OLFM1: variants seen among roughly 807,000 people sequenced by gnomAD.
OLFM1 encodes the protein olfactomedin 1.
Under a neutral mutation model 49.7 loss-of-function variants are expected in OLFM1, and 9 were observed. That is an observed-to-expected ratio of 0.18 (90% confidence interval 0.11 to 0.32). The LOEUF is 0.32. Ranked by LOEUF, OLFM1 falls within the 10% of genes least tolerant of loss-of-function variation. The probability of loss-of-function intolerance (pLI) is 1.00; values close to 1 mark genes in which losing one functional copy is unlikely to be tolerated. For missense variants in OLFM1, 369 were observed against 661.8 expected (o/e 0.56, Z 4.85); for synonymous variants, 240 against 271.8 (o/e 0.88, Z 1.15).
rs1008764344 is a variant in OLFM1 at position 135,088,386 on chromosome 9, C to G, written c.150+247C>G. ...GCCCCTGGGGCGGCGTTTCCTTCGT[C>G]TGGGCCCCTCGCCGCGGGGCCGGGG... On this transcript the variant is annotated intron_variant, in intron 1 of 5. Coordinates refer to ENST00000371793, the MANE Select transcript of OLFM1 (RefSeq NM_001282611.2). This position sits in a 1 kb window ranked among gnomAD's most constrained non-coding sequence, Gnocchi z 4.8. Among the ~76,000 whole-genome samples the G allele has an allele frequency of 2.6e-5, 4 of 151,926 alleles. No homozygotes were observed. The highest frequency in any genetic ancestry group is 9.6e-5 in the African/African-American group (4 of 41,498).
At chr9:135,102,584 G>A (rs988244731) in intron 4 of OLFM1, among the ~76,000 whole-genome samples, 2 of 152,282 alleles carry the variant, frequency 1.3e-5, no homozygotes, top group East Asian at 1.9e-4. Context: ...AGGGTCTGCC[G>A]TGACCCTTTC....
rs569263674 is a variant in OLFM1, at chr9:135,100,822, T to C, written c.676+2317T>C. The stretch of plus-strand genomic sequence containing the variant: ...GTCCTTCAGATCCTGAGCTCAGCAC[T>C]GTGCCCAGCAGAGGAGGTGCTGGTA... On this transcript the variant is annotated intron_variant, in intron 4 of 5. Coordinates refer to ENST00000371793, the MANE Select transcript of OLFM1 (RefSeq NM_001282611.2). Among the ~76,000 whole-genome samples the C allele has an allele frequency of 2.0e-5, 3 of 152,316 alleles. No homozygotes were observed. The South Asian group carries it at 6.2e-4, about 32-fold the overall frequency.
intron 5 of OLFM1, among the ~76,000 whole-genome samples, chr9:135,118,364 C>T (rs1440126073): frequency 6.8e-6 from 1 of 146,432 alleles, no homozygotes; most frequent in East Asian, 2.1e-4. Flanking sequence ...TTTGGAAATG[C>T]TCACTGGGTC....
chr9:135,094,529 T>C (rs918597997), intron 2 of OLFM1, among the ~76,000 whole-genome samples: 1 of 152,092 alleles, frequency 6.6e-6, no homozygotes, highest in Non-Finnish European at 1.5e-5. Flanking sequence ...GTATTAGAGG[T>C]ATGCTTCCGT....
upstream of OLFM1, among the ~76,000 whole-genome samples, chr9:135,084,170 C>A (rs1830566360): frequency 1.3e-5 from 2 of 152,220 alleles, no homozygotes; most frequent in African/African-American, 4.8e-5. This position sits in a 1 kb window ranked among gnomAD's most constrained non-coding sequence, Gnocchi z 4.6. Context: ...TGGCTTGAGG[C>A]CAGGTCCTTT....
intron 5 of OLFM1, among the ~76,000 whole-genome samples, chr9:135,114,612 T>G (rs1588222336): frequency 4.5e-5 from 5 of 112,046 alleles, no homozygotes; most frequent in African/African-American, 3.5e-5. Context: ...GGGGACGGGG[T>G]GGAGGGGCAG....
chr9:135,106,663 G>A (rs748423599), intron 4 of OLFM1, 86 bp from the exon 5 acceptor site: 38 of 966,876 alleles, frequency 3.9e-5, no homozygotes, highest in South Asian at 3.8e-4. Context: ...CACATGGCAC[G>A]TGTGCTCTGG....
At chr9:135,116,626 C>T (rs1224705685) in intron 5 of OLFM1, among the ~76,000 whole-genome samples, 1 of 152,038 alleles carries the variant, frequency 6.6e-6, no homozygotes, top group Non-Finnish European at 1.5e-5. Flanking sequence ...GGTTCCCCTC[C>T]AGGCAGGTCA....
In OLFM1 at chr9:135,113,969, A is replaced by C. The variant is rs114404053; in HGVS notation, c.784-5535A>C. On this transcript the variant is annotated intron_variant, in intron 5 of 5. Coordinates refer to ENST00000371793, the MANE Select transcript of OLFM1 (RefSeq NM_001282611.2). The surrounding 1 kb of genome is among the most constrained non-coding windows in gnomAD (Gnocchi z 4.0). Reference sequence around the variant, plus strand: ...CCCTCCTGCCTCGTCTCGTGGCTCCATGTGTTCCTGGCTGTGGCTGCATCA... The same window carrying C: ...CCCTCCTGCCTCGTCTCGTGGCTCCCTGTGTTCCTGGCTGTGGCTGCATCA... Among the ~76,000 whole-genome samples the C allele has an allele frequency of 3.1e-3, 470 of 152,090 alleles. 2 individuals carry two copies. Among genetic ancestry groups the C allele is most frequent in the African/African-American group, 0.011 (443 of 41,494 alleles).
chr9:135,075,840 G>T (rs368413177), intron 1 of OLFM1: 13 of 1,544,030 alleles, frequency 8.4e-6, no homozygotes, highest in Middle Eastern at 1.7e-4. Context: ...CCTGCCAGGC[G>T]CCCGGCCCGG....
At chr9:135,078,480 CTCAA>C (rs1370409247) in intron 1 of OLFM1, among the ~76,000 whole-genome samples, 2 of 152,230 alleles carry the variant, frequency 1.3e-5, no homozygotes, top group Non-Finnish European at 2.9e-5. Context: ...CGATGAGACA[CTCAA>C]TCAAACACCA....
chr9:135,080,627 C>T lies in OLFM1; in HGVS notation c.96+4825C>T, dbSNP rs1410140756. 6.6e-6 allele frequency among the ~76,000 whole-genome samples: 1 copy of T among 152,142 alleles called. No homozygotes were observed. The highest frequency in any genetic ancestry group is 1.5e-5 in the Non-Finnish European group (1 of 68,044). On this transcript the variant is annotated intron_variant, in intron 1 of 5. Coordinates refer to the OLFM1 transcript ENST00000252854. The surrounding 1 kb of genome is among the most constrained non-coding windows in gnomAD (Gnocchi z 4.5). ...TTCTCATTCCACTGACTTCAACCTT[C>T]CCCAATCAGAAGAAAGGTAATTTCC... is the stretch of plus-strand genomic sequence containing the variant.
chr9:135,107,031 G>C (rs1015517893), intron 5 of OLFM1, among the ~76,000 whole-genome samples, 176 bp downstream of exon 5: 1 of 152,214 alleles, frequency 6.6e-6, no homozygotes, highest in African/African-American at 2.4e-5. Flanking sequence ...AGGCCTCTAT[G>C]CTAATCCAGA....
At chr9:135,101,863 A>G (rs964050307) in intron 4 of OLFM1, among the ~76,000 whole-genome samples, 1 of 152,168 alleles carries the variant, frequency 6.6e-6, no homozygotes, top group Non-Finnish European at 1.5e-5. Context: ...CTCTCTATAA[A>G]TGAGGGGTGA....
chr9:135,088,993 G>C lies in OLFM1; in HGVS notation c.150+854G>C, dbSNP rs2078540950. ...AGGGCCGCGCGGGGAAGGGGCCGCT[G>C]CCGGGAAGGCGCGCCCCAGACCACT... On this transcript the variant is annotated intron_variant, in intron 1 of 5. Transcript: ENST00000371793. The surrounding 1 kb of genome is among the most constrained non-coding windows in gnomAD (Gnocchi z 4.8). 6.6e-6 allele frequency among the ~76,000 whole-genome samples: 1 copy of C among 152,238 alleles called. No homozygotes were observed.
intron 4 of OLFM1, among the ~76,000 whole-genome samples, chr9:135,100,623 A>C (rs1049212245): frequency 2.6e-5 from 4 of 152,214 alleles, no homozygotes; most frequent in African/African-American, 9.6e-5. Context: ...ACACACAGCA[A>C]ACTGAGCTCC....
chr9:135,077,336 C>T (rs577185027), intron 1 of OLFM1: 3 of 1,329,680 alleles, frequency 2.3e-6, no homozygotes, highest in African/African-American at 1.5e-5. Flanking sequence ...CCCTCCAAGC[C>T]TTAATGGCAC....
In OLFM1 at chr9:135,088,230, G is replaced by A; in HGVS notation, c.150+91G>A. 1.7e-6 allele frequency: 2 copies of A among 1,155,972 alleles called. No individual in the cohort carries two copies. Among genetic ancestry groups the A allele is most frequent in the East Asian group, 3.5e-5 (1 of 28,546 alleles). The allele number at this position is 1,155,972 out of a possible 1,614,324, so 71.6% of individuals were successfully genotyped here. A position where few individuals can be genotyped will look rare whatever the true frequency, so the allele number is the denominator to read the frequency against. ...CGGAGCCCCGGGCTGGGCGGGCGCCGCGCGGGACCCGAGTCGCCCAGGGAG... is the reference window on the plus strand; with the variant it reads ...CGGAGCCCCGGGCTGGGCGGGCGCCACGCGGGACCCGAGTCGCCCAGGGAG... On this transcript the variant is annotated intron_variant, in intron 1 of 5. Transcript: ENST00000371793. This position sits in a 1 kb window ranked among gnomAD's most constrained non-coding sequence, Gnocchi z 4.8.
chr9:135,075,806 C>T (rs755091535), intron 1 of OLFM1: 3 of 1,599,494 alleles, frequency 1.9e-6, no homozygotes, highest in Non-Finnish European at 2.6e-6. Flanking sequence ...CACTCAAGTA[C>T]GTGCATCCAA....
Sources: allele counts gnomAD v4.1 joint callset (sites outside exome capture counted in the v4.1 genomes callset), GRCh38; gene constraint gnomAD v4.1.1; non-coding constraint Gnocchi (gnomAD v3.1); transcripts MANE v1.5; gene names NCBI Gene and HGNC (gene_info 2026-07-23, HGNC 2026-07-21).